The following LDLRAP1 variants were observed in gnomAD, a reference collection of about 807,000 sequenced individuals.
LDLRAP1 encodes the protein low density lipoprotein receptor adaptor protein 1.
Under a neutral mutation model 37.8 loss-of-function variants are expected in LDLRAP1, and 30 were observed. The ratio of observed to expected loss-of-function variants is 0.79; its 90% CI spans 0.59 to 1.08. The LOEUF (loss-of-function observed/expected upper bound fraction) is 1.08. Among genes scored for constraint, LDLRAP1 ranks in the 50% least tolerant of loss-of-function variants. The probability of loss-of-function intolerance (pLI) is 0.00; values close to 1 mark genes in which losing one functional copy is unlikely to be tolerated. For synonymous variants in LDLRAP1, 156 were observed against 169.8 expected (o/e 0.92, Z 0.63); for missense variants, 375 against 401.6 (o/e 0.93, Z 0.57).
the LDLRAP1 span, among the ~76,000 whole-genome samples, chr1:25,574,631 G>A: frequency 6.6e-6 from 1 of 152,194 alleles, no homozygotes; most frequent in Admixed American, 6.5e-5. Context: ...GTATCCCCGT[G>A]TGATGTGGAG....
At chr1:25,543,960 G>C (rs1304595021) in intron 1 of LDLRAP1, among the ~76,000 whole-genome samples, 174 bp downstream of exon 1, 2 of 152,046 alleles carry the variant, frequency 1.3e-5, no homozygotes, top group African/African-American at 4.8e-5. Context: ...GGGTCAAGTT[G>C]TGCACCTACT....
Position 25,544,852 on chromosome 1 carries a change from C to T in LDLRAP1, c.88+1066C>T, listed in dbSNP as rs568952385. ...GGAAACAACTGACAGTACAGCACCC[C>T]CTCATCCCATCCCCTCTTGGCCTTA... On this transcript the variant is annotated intron_variant, in intron 1 of 8. Transcript: ENST00000374338. The surrounding 1 kb of genome is among the most constrained non-coding windows in gnomAD (Gnocchi z 4.8). Among the ~76,000 whole-genome samples the T allele has an allele frequency of 5.3e-5, 8 of 152,348 alleles. No homozygotes were observed. In the East Asian group the frequency reaches 1.5e-3, roughly 29 times the overall value.
At chr1:25,580,316 C>T in the LDLRAP1 span, among the ~76,000 whole-genome samples, 5 of 152,216 alleles carry the variant, frequency 3.3e-5, no homozygotes, top group Middle Eastern at 3.4e-3. Flanking sequence ...GTAATCCCAG[C>T]ACTCTGGGAG....
At chr1:25,580,569 A>G in the LDLRAP1 span, among the ~76,000 whole-genome samples, 1 of 152,204 alleles carries the variant, frequency 6.6e-6, no homozygotes, top group Admixed American at 6.5e-5. Flanking sequence ...GTGCGGTGGC[A>G]CAATCACAGC....
chr1:25,573,602 T>C (rs1287463438), downstream of LDLRAP1, among the ~76,000 whole-genome samples: 1 of 152,152 alleles, frequency 6.6e-6, no homozygotes, highest in Non-Finnish European at 1.5e-5. Flanking sequence ...CCCAACACTG[T>C]TGGGGGGCAG....
chr1:25,570,880 T>C (rs2044596040), downstream of LDLRAP1, among the ~76,000 whole-genome samples: 1 of 151,986 alleles, frequency 6.6e-6, no homozygotes, highest in South Asian at 2.1e-4. Context: ...AAAAATAAAG[T>C]AACCCTTGGG....
intron 4 of LDLRAP1, among the ~76,000 whole-genome samples, chr1:25,558,491 AG>A (rs1332552087): frequency 2.0e-5 from 3 of 152,250 alleles, no homozygotes; most frequent in African/African-American, 7.2e-5. Context: ...GAAGTAGATC[AG>A]GAGTCTAAAC....
rs2044181369 is a variant in LDLRAP1 at position 25,555,702 on chromosome 1, G to C, written c.344+730G>C. Reference sequence around the variant, plus strand: ...AGATGGCTCAGCCCGTTGGTGCACAGGCCAGTAGTAGGGTCAGTAGATGTG... The same window carrying C: ...AGATGGCTCAGCCCGTTGGTGCACACGCCAGTAGTAGGGTCAGTAGATGTG... On this transcript the variant is annotated intron_variant, in intron 3 of 8. Coordinates refer to ENST00000374338, the MANE Select transcript of LDLRAP1 (RefSeq NM_015627.3). This position sits in a 1 kb window ranked among gnomAD's most constrained non-coding sequence, Gnocchi z 4.7. Among the ~76,000 whole-genome samples the C allele has an allele frequency of 6.6e-6, 1 of 152,212 alleles. No individual in the cohort carries two copies.
At chr1:25,548,113 A>G (rs770085130) in intron 1 of LDLRAP1, among the ~76,000 whole-genome samples, 1 of 152,202 alleles carries the variant, frequency 6.6e-6, no homozygotes, top group Admixed American at 6.5e-5. Context: ...GCCATGGTCA[A>G]ACTCCTCTGA....
chr1:25,570,062 A>G (rs1201767455), downstream of LDLRAP1, among the ~76,000 whole-genome samples: 1 of 152,172 alleles, frequency 6.6e-6, no homozygotes, highest in Non-Finnish European at 1.5e-5. Flanking sequence ...CCACTTGGAC[A>G]TGTATCTCTT....
Position 25,566,825 on chromosome 1 carries a change from G to T in LDLRAP1, c.783-23G>T, listed in dbSNP as rs145098661. ...GCGCCAGCCCTCACCCAGGCTCTCGGCTCACACAGCTCTGCCTTCCAGGCT... is the reference window on the plus strand; with the variant it reads ...GCGCCAGCCCTCACCCAGGCTCTCGTCTCACACAGCTCTGCCTTCCAGGCT... On this transcript the variant is annotated intron_variant, in intron 8 of 8. Coordinates refer to ENST00000374338, the MANE Select transcript of LDLRAP1 (RefSeq NM_015627.3). 1.7e-4 allele frequency: 266 copies of T among 1,600,166 alleles called. 1 individual carries two copies. In the African/African-American group the frequency reaches 3.0e-3, roughly 18 times the overall value.
chr1:25,545,807 T>C (rs1319545626), intron 1 of LDLRAP1, among the ~76,000 whole-genome samples: 1 of 152,200 alleles, frequency 6.6e-6, no homozygotes, highest in Non-Finnish European at 1.5e-5. Flanking sequence ...TCAAGTGGAA[T>C]TGCGTTTGCC....
At chr1:25,578,628 C>T in the LDLRAP1 span, among the ~76,000 whole-genome samples, 2 of 152,166 alleles carry the variant, frequency 1.3e-5, no homozygotes, top group Admixed American at 1.3e-4. Context: ...GACCCTTCCA[C>T]CTCAGCCTGT....
chr1:25,560,990 T>C (rs1305681156), intron 4 of LDLRAP1, among the ~76,000 whole-genome samples: 1 of 152,272 alleles, frequency 6.6e-6, no homozygotes, highest in Non-Finnish European at 1.5e-5. Flanking sequence ...TCAGTTTAAC[T>C]TACAGCTTGG....
chr1:25,558,894 C>T (rs2044276545), intron 4 of LDLRAP1, among the ~76,000 whole-genome samples: 1 of 152,208 alleles, frequency 6.6e-6, no homozygotes, highest in Non-Finnish European at 1.5e-5. Flanking sequence ...GGAAGAGGCA[C>T]TGTAGGAGGA....
intron 4 of LDLRAP1, among the ~76,000 whole-genome samples, chr1:25,557,822 G>A (rs2044244697): frequency 6.6e-6 from 1 of 152,046 alleles, no homozygotes; most frequent in South Asian, 2.1e-4. Context: ...AGGCTTCCAG[G>A]TCTTCACTCG....
At chr1:25,559,497 G>T (rs2044292305) in intron 4 of LDLRAP1, among the ~76,000 whole-genome samples, 1 of 152,212 alleles carries the variant, frequency 6.6e-6, no homozygotes, top group Non-Finnish European at 1.5e-5. Context: ...CCCTGACCAG[G>T]CAGCAGAAGG....
In LDLRAP1 at chr1:25,568,377, C is replaced by A. The variant is rs534090100; in HGVS notation, c.*1385C>A. The A allele has an allele frequency of 6.6e-6, 1 of 152,324 alleles. No homozygotes were observed. Among genetic ancestry groups the A allele is most frequent in the Admixed American group, 6.5e-5 (1 of 15,286 alleles). 9.4% of individuals were successfully genotyped at this position (152,324 alleles called of 1,614,324 possible). On this transcript the variant is annotated 3_prime_UTR_variant, in exon 9 of 9. Transcript: ENST00000374338. ...CTTTAGAATCGCTTTCCTTCCTCCC[C>A]TTTTGCCCCCGTGGGGCTCCCGGCA...
chr1:25,566,642 G>T (rs2044488355), intron 8 of LDLRAP1, among the ~76,000 whole-genome samples: 1 of 152,062 alleles, frequency 6.6e-6, no homozygotes, highest in Non-Finnish European at 1.5e-5. Context: ...GGGGGTGGGT[G>T]CACCGCTGGC....
Sources: allele counts gnomAD v4.1 joint callset (sites outside exome capture counted in the v4.1 genomes callset), GRCh38; gene constraint gnomAD v4.1.1; non-coding constraint Gnocchi (gnomAD v3.1); transcripts MANE v1.5; gene names NCBI Gene and HGNC (gene_info 2026-07-23, HGNC 2026-07-21).